Variants in RPTOR observed in about 807,000 individuals in gnomAD.
RPTOR encodes regulatory-associated protein of mTOR.
In RPTOR, 21 loss-of-function variants were observed where a neutral mutation model predicts 169.9. The observed-to-expected ratio is 0.12, with a 90% CI of 0.09 to 0.18. The LOEUF (loss-of-function observed/expected upper bound fraction) is 0.18. RPTOR is among the 10% of genes least tolerant of loss of function. RPTOR has a pLI of 1.00. For missense variants in RPTOR, 1,133 were observed against 1,855.9 expected, an observed-to-expected ratio of 0.61 and a Z score of 7.16; for synonymous variants, 732 against 753.2, an observed-to-expected ratio of 0.97 and a Z score of 0.46.
At chr17:80,706,218 T>C (rs1232423327) in intron 3 of RPTOR, among the ~76,000 whole-genome samples, 3 of 152,188 alleles carry the variant, frequency 2.0e-5, no homozygotes, top group African/African-American at 7.2e-5. Flanking sequence ...CAGGGCATCT[T>C]CCCTGACTGC....
intron 5 of RPTOR, among the ~76,000 whole-genome samples, chr17:80,737,923 A>T (rs12936454): frequency 0.18 from 26,642 of 151,892 alleles, 2,777 homozygotes; most frequent in East Asian, 0.24. Context: ...AGTTCGTCCA[A>T]AACATACAGT....
chr17:80,768,321 C>T (rs1045331412), intron 6 of RPTOR, among the ~76,000 whole-genome samples: 1 of 152,152 alleles, frequency 6.6e-6, no homozygotes, highest in Admixed American at 6.5e-5. Context: ...CTCAGTAGGC[C>T]GCTTAGTGAG....
chr17:80,580,667 G>A (rs1353289548), intron 1 of RPTOR, among the ~76,000 whole-genome samples: 1 of 152,084 alleles, frequency 6.6e-6, no homozygotes, highest in Non-Finnish European at 1.5e-5. Context: ...CCGTTGCCTG[G>A]GGTGGAGTGC....
chr17:80,879,677 G>A (rs2068163762), intron 13 of RPTOR, among the ~76,000 whole-genome samples: 1 of 152,222 alleles, frequency 6.6e-6, no homozygotes, highest in South Asian at 2.1e-4. Flanking sequence ...TCAGCACCCA[G>A]TAGGCCCTCA....
chr17:80,544,894 T>G lies in RPTOR; in HGVS notation c.-736T>G, dbSNP rs1023689877. Reference sequence around the variant, plus strand: ...CTGATGAGATGAGTTTCACTGTAGCTCCAAACCAGAGGGCAAAGCTCCCAT... The same window carrying G: ...CTGATGAGATGAGTTTCACTGTAGCGCCAAACCAGAGGGCAAAGCTCCCAT... On this transcript the variant is annotated 5_prime_UTR_variant, in exon 1 of 34. Coordinates refer to ENST00000306801, the MANE Select transcript of RPTOR (RefSeq NM_020761.3). 2 of 226,214 alleles carry G rather than the reference T, an allele frequency of 8.8e-6. No homozygotes were observed. The highest frequency in any genetic ancestry group is 4.5e-5 in the African/African-American group (2 of 44,846). The allele number at this position is 226,214 out of a possible 1,614,324, so 14.0% of individuals were successfully genotyped here. A position where few individuals can be genotyped will look rare whatever the true frequency, so the allele number is the denominator to read the frequency against.
At chr17:80,889,869 A>G (rs945663673) in intron 17 of RPTOR, among the ~76,000 whole-genome samples, 1 of 125,158 alleles carries the variant, frequency 8.0e-6, no homozygotes, top group Non-Finnish European at 1.7e-5. Flanking sequence ...ATGCAGCAGG[A>G]TGTGCGGCCT....
intron 3 of RPTOR, among the ~76,000 whole-genome samples, chr17:80,690,665 A>G (rs4889884): frequency 0.18 from 26,692 of 151,872 alleles, 3,753 homozygotes; most frequent in African/African-American, 0.39. Flanking sequence ...TGGTTCAGTC[A>G]GGGAATGTTT....
At chr17:80,963,789 CCCCTCTGCGGCCCT>C (rs2069383155) in intron 33 of RPTOR, among the ~76,000 whole-genome samples, 1 of 136,752 alleles carries the variant, frequency 7.3e-6, no homozygotes. Context: ...CTCACCCCGT[CCCCTCTGCGGCCCT>C]CACCCCGTCC....
chr17:80,725,241 C>T (rs1319473001), intron 4 of RPTOR, among the ~76,000 whole-genome samples: 1 of 152,226 alleles, frequency 6.6e-6, no homozygotes, highest in Non-Finnish European at 1.5e-5. Flanking sequence ...GTGGCTAACT[C>T]AGGCTGCGGC....
chr17:80,792,213 C>T (rs1288374377), intron 7 of RPTOR, among the ~76,000 whole-genome samples: 1 of 152,114 alleles, frequency 6.6e-6, no homozygotes, highest in African/African-American at 2.4e-5. Flanking sequence ...TTATTTTAAA[C>T]CCTTTGGCTC....
chr17:80,771,164 T>C (rs944815606), intron 6 of RPTOR, among the ~76,000 whole-genome samples: 3 of 152,112 alleles, frequency 2.0e-5, no homozygotes, highest in Admixed American at 2.0e-4. Flanking sequence ...TCTCTGAAGC[T>C]CCCACTCTCT....
chr17:80,929,695 G>T (rs188176940), intron 24 of RPTOR, among the ~76,000 whole-genome samples: 21 of 152,278 alleles, frequency 1.4e-4, no homozygotes, highest in African/African-American at 5.1e-4. Context: ...TGGGGTTTCA[G>T]TGCACCATTA....
rs1491171593 is a variant in RPTOR at position 80,823,639 on chromosome 17, T to TCACA, written c.1136+417_1136+418insACAC. The TCACA allele has an allele frequency of 1.5e-5, 2 of 133,738 alleles. No individual in the cohort carries two copies. The highest frequency in any genetic ancestry group is 8.2e-5 in the African/African-American group (2 of 24,384). 8.3% of individuals were successfully genotyped at this position (133,738 alleles called of 1,614,324 possible). On this transcript the variant is annotated intron_variant, in intron 9 of 33. Transcript: ENST00000306801. This position sits in a 1 kb window ranked among gnomAD's most constrained non-coding sequence, Gnocchi z 4.5. ...TGATCAATTAGTTTTTATGCTTATT[T>TCACA]CTCACACACACACACACACACACAC... is the stretch of plus-strand genomic sequence containing the variant.
At chr17:80,768,294 G>A (rs1037083304) in intron 6 of RPTOR, among the ~76,000 whole-genome samples, 1 of 152,164 alleles carries the variant, frequency 6.6e-6, no homozygotes, top group East Asian at 1.9e-4. Flanking sequence ...CATGGAGTGC[G>A]TGATCTCACT....
intron 20 of RPTOR, among the ~76,000 whole-genome samples, chr17:80,895,215 C>G (rs1266936273): frequency 6.6e-6 from 1 of 152,224 alleles, no homozygotes; most frequent in Non-Finnish European, 1.5e-5. Context: ...CCTACCCGGC[C>G]CCCAGCCTGG....
At chr17:80,699,631 C>T (rs1198426064) in intron 3 of RPTOR, among the ~76,000 whole-genome samples, 4 of 124,030 alleles carry the variant, frequency 3.2e-5, no homozygotes, top group South Asian at 2.6e-4. Flanking sequence ...GTGCTGTGCA[C>T]GGTACCCTGG....
chr17:80,702,746 A>G (rs1470841396), intron 3 of RPTOR, among the ~76,000 whole-genome samples: 1 of 152,190 alleles, frequency 6.6e-6, no homozygotes, highest in African/African-American at 2.4e-5. Flanking sequence ...GTCAGAAATG[A>G]TGAATCCTTA....
chr17:80,961,240 C>G (rs1480791455), intron 30 of RPTOR, among the ~76,000 whole-genome samples, 154 bp from the exon 31 acceptor site: 1 of 152,198 alleles, frequency 6.6e-6, no homozygotes, highest in Non-Finnish European at 1.5e-5. Context: ...GGGCTCTGAC[C>G]CTGCGTGAGC....
chr17:80,780,900 C>T (rs764146136), intron 6 of RPTOR, among the ~76,000 whole-genome samples: 2 of 152,210 alleles, frequency 1.3e-5, no homozygotes, highest in South Asian at 2.1e-4. Context: ...ATTGAGCGTG[C>T]GCTCTCAGTT....
Sources: gnomAD v4.1 joint callset for allele counts (sites outside exome capture counted in the v4.1 genomes callset) on GRCh38, gnomAD v4.1.1 for gene constraint, Gnocchi (gnomAD v3.1) non-coding constraint, MANE v1.5 for transcripts, NCBI Gene and HGNC (gene_info 2026-07-23, HGNC 2026-07-21) for gene names.